GALNT13: variants seen among roughly 807,000 people sequenced by gnomAD.
GALNT13 encodes UDP-GalNAc:polypeptide N-acetylgalactosaminyltransferase 13.
Under a neutral mutation model 64.2 loss-of-function variants are expected in GALNT13, and 28 were observed. The observed-to-expected ratio is 0.44, with a 90% confidence interval of 0.32 to 0.60. The LOEUF (loss-of-function observed/expected upper bound fraction) is 0.60, where lower values mean the gene tolerates loss of function less well. GALNT13 is among the 20% of genes least tolerant of loss of function. GALNT13 has a pLI of 0.05. For missense variants in GALNT13, 577 were observed against 669.8 expected, an observed-to-expected ratio of 0.86 and a Z score of 1.53; for synonymous variants, 214 against 224.6, an observed-to-expected ratio of 0.95 and a Z score of 0.42.
chr2:153,232,629 G>A, the GALNT13 span, among the ~76,000 whole-genome samples: 1 of 152,232 alleles, frequency 6.6e-6, no homozygotes, highest in South Asian at 2.1e-4. Flanking sequence ...GCTCACTGGT[G>A]ACTCATTCTG....
the GALNT13 span, among the ~76,000 whole-genome samples, chr2:153,258,559 G>A: frequency 5.3e-5 from 8 of 151,894 alleles, no homozygotes; most frequent in African/African-American, 1.7e-4. Context: ...TTGTTTATTC[G>A]AAGTTTTTCT....
At chr2:154,280,098 G>A (rs985904217) in intron 8 of GALNT13, among the ~76,000 whole-genome samples, 5 of 152,160 alleles carry the variant, frequency 3.3e-5, no homozygotes, top group African/African-American at 1.2e-4. Context: ...GAAACAAAAT[G>A]ACTCTAGCTG....
chr2:154,392,963 A>G (rs905328147), intron 9 of GALNT13, among the ~76,000 whole-genome samples: 2 of 152,174 alleles, frequency 1.3e-5, no homozygotes, highest in East Asian at 1.9e-4. Context: ...TTAAAAATGT[A>G]TATGTGCGAG....
At chr2:154,290,264 A>G (rs1692525421) in intron 8 of GALNT13, among the ~76,000 whole-genome samples, 1 of 152,224 alleles carries the variant, frequency 6.6e-6, no homozygotes, top group Non-Finnish European at 1.5e-5. Context: ...AAGAAGGTGC[A>G]GGGAATGCCT....
chr2:154,209,595 C>T (rs115234958), intron 4 of GALNT13, among the ~76,000 whole-genome samples: 172 of 152,288 alleles, frequency 1.1e-3, no homozygotes, highest in African/African-American at 3.9e-3. Context: ...GCTATTTCAT[C>T]TCTCTAACTC....
chr2:153,289,029 C>T, the GALNT13 span, among the ~76,000 whole-genome samples: 1 of 152,158 alleles, frequency 6.6e-6, no homozygotes, highest in Non-Finnish European at 1.5e-5. Context: ...ATTGCTGAAG[C>T]TTTGCGTCCC....
the GALNT13 span, among the ~76,000 whole-genome samples, chr2:153,729,668 AG>A: frequency 3.3e-5 from 5 of 152,054 alleles, no homozygotes; most frequent in Admixed American, 1.3e-4. Context: ...AAAATGTAAA[AG>A]TCATCCAGAT....
the GALNT13 span, among the ~76,000 whole-genome samples, chr2:153,698,812 T>C: frequency 6.6e-6 from 1 of 152,224 alleles, no homozygotes; most frequent in Non-Finnish European, 1.5e-5. Flanking sequence ...TGGCACTTAT[T>C]CTAAAATCAA....
the GALNT13 span, among the ~76,000 whole-genome samples, chr2:153,343,802 A>G: frequency 6.6e-6 from 1 of 152,230 alleles, no homozygotes; most frequent in South Asian, 2.1e-4. Context: ...CCCTCCCAAT[A>G]AGATTTCTAA....
At chr2:153,504,211 A>ACTGATTT in the GALNT13 span, among the ~76,000 whole-genome samples, 1 of 152,212 alleles carries the variant, frequency 6.6e-6, no homozygotes, top group Non-Finnish European at 1.5e-5. Flanking sequence ...TAGCAGAGCT[A>ACTGATTT]CTGATTTCTG....
intron 3 of GALNT13, among the ~76,000 whole-genome samples, chr2:154,006,858 G>A (rs1444381460): frequency 6.6e-6 from 1 of 152,188 alleles, no homozygotes; most frequent in African/African-American, 2.4e-5. Flanking sequence ...TTGGAATTGA[G>A]ATTGTAATGG....
intron 10 of GALNT13, among the ~76,000 whole-genome samples, chr2:154,403,461 A>C (rs1351106536): frequency 6.6e-6 from 1 of 152,018 alleles, no homozygotes; most frequent in African/African-American, 2.4e-5. Flanking sequence ...GTCTCAAAAA[A>C]AAAAACAAAA....
At chr2:154,366,359 G>A (rs16836799) in intron 9 of GALNT13, among the ~76,000 whole-genome samples, 69,011 of 151,920 alleles carry the variant, frequency 0.45, 16,008 homozygotes, top group East Asian at 0.57. Context: ...CAAATTTAAG[G>A]ATGTATATGT....
intron 3 of GALNT13, among the ~76,000 whole-genome samples, chr2:154,069,822 A>G (rs1700652973): frequency 1.3e-5 from 2 of 152,204 alleles, no homozygotes; most frequent in East Asian, 1.9e-4. Flanking sequence ...CATATATACA[A>G]ATTAACTTGA....
At chr2:154,197,414 G>C (rs1357487626) in intron 4 of GALNT13, among the ~76,000 whole-genome samples, 1 of 152,084 alleles carries the variant, frequency 6.6e-6, no homozygotes, top group Non-Finnish European at 1.5e-5. Context: ...ATTCCAGGTG[G>C]TAAAGGATGG....
chr2:153,693,665 G>A, the GALNT13 span, among the ~76,000 whole-genome samples: 1 of 152,044 alleles, frequency 6.6e-6, no homozygotes, highest in African/African-American at 2.4e-5. Context: ...GGAAAAAGGG[G>A]AGAGAGAGTA....
At chr2:153,541,157 T>TC in the GALNT13 span, among the ~76,000 whole-genome samples, 103 of 152,134 alleles carry the variant, frequency 6.8e-4, 2 homozygotes, top group East Asian at 0.02. Context: ...TAGGTGTTGT[T>TC]CCCCCACCCT....
chr2:153,242,084 C>T, the GALNT13 span, among the ~76,000 whole-genome samples: 2 of 152,126 alleles, frequency 1.3e-5, no homozygotes, highest in Non-Finnish European at 1.5e-5. Context: ...TAGAAATTAT[C>T]TTGAACAATT....
chr2:153,560,951 C>T, the GALNT13 span, among the ~76,000 whole-genome samples: 1 of 151,988 alleles, frequency 6.6e-6, no homozygotes, highest in Non-Finnish European at 1.5e-5. Context: ...CAATACATTT[C>T]CATTTGGTCA....
Sources: gnomAD v4.1 joint callset for allele counts (sites outside exome capture counted in the v4.1 genomes callset) on GRCh38, gnomAD v4.1.1 for gene constraint, MANE v1.5 for transcripts, NCBI Gene and HGNC (gene_info 2026-07-23, HGNC 2026-07-21) for gene names.